TXNRD2: variants seen among roughly 807,000 people sequenced by gnomAD.
TXNRD2 encodes thioredoxin reductase 2.
TXNRD2 carries 67 observed loss-of-function variants against 70.8 expected under a neutral mutation model. The ratio of observed to expected loss-of-function variants is 0.95; its 90% CI spans 0.78 to 1.16. The LOEUF (loss-of-function observed/expected upper bound fraction) is 1.16, where lower values mean the gene tolerates loss of function less well. Among genes scored for constraint, TXNRD2 ranks in the 50% most tolerant of loss-of-function variants. The pLI, the probability that TXNRD2 is intolerant of heterozygous loss-of-function variation, is 0.00. For missense variants in TXNRD2, 644 were observed against 719.9 expected, an observed-to-expected ratio of 0.89 and a Z score of 1.21; for synonymous variants, 301 against 295.8, an observed-to-expected ratio of 1.02 and a Z score of -0.18.
At chr22:19,890,502 C>T (rs947869463) in intron 11 of TXNRD2, among the ~76,000 whole-genome samples, 4 of 152,154 alleles carry the variant, frequency 2.6e-5, no homozygotes, top group African/African-American at 9.7e-5. Flanking sequence ...AGCATAGCCA[C>T]AAACTTGGTT....
chr22:19,895,519 A>G lies in TXNRD2; in HGVS notation c.837T>C (p.Cys279=), dbSNP rs200417517. Residue 279 remains cysteine (C), a synonymous_variant, in exon 11 of 18, where the codon TGT becomes TGC. Coordinates refer to ENST00000400521, the MANE Select transcript of TXNRD2 (RefSeq NM_006440.5). ...GGAGCCTCCTGACCCGCGAGGGGGC[A>G]CAGCCCCTCAGGAACCGGGTGCCAT... ...ASHGTRFLRG[C]APSRVRRLPD... 1.7e-5 allele frequency: 28 copies of G among 1,613,810 alleles called. No individual in the cohort carries two copies. In the East Asian group the frequency reaches 6.2e-4, roughly 36 times the overall value.
intron 13 of TXNRD2, 24 bp downstream of exon 13, chr22:19,880,598 G>A (rs764737154): frequency 2.9e-5 from 47 of 1,607,446 alleles, no homozygotes; most frequent in Non-Finnish European, 3.6e-5. Context: ...TAGGCTGCAC[G>A]TGGCGTCCTG....
chr22:19,918,111 G>A, intron 5 of TXNRD2, 32 bp downstream of exon 5: 2 of 1,598,820 alleles, frequency 1.3e-6, no homozygotes, highest in South Asian at 1.1e-5. Context: ...AAGGCCCAGA[G>A]GGCGGCCCAT....
At chr22:19,880,131 G>A (rs761282213) in intron 14 of TXNRD2, 48 bp downstream of exon 14, 2 of 1,588,280 alleles carry the variant, frequency 1.3e-6, no homozygotes, top group Non-Finnish European at 1.7e-6. Context: ...CATGGGGTGA[G>A]GTCGTGGAGT....
intron 1 of TXNRD2, among the ~76,000 whole-genome samples, chr22:19,935,233 G>A (rs576411192): frequency 1.3e-5 from 2 of 152,242 alleles, no homozygotes; most frequent in South Asian, 4.2e-4. Context: ...ATTCCTGGGG[G>A]GAGGTCTGTA....
chr22:19,900,699 A>G (rs1210870504), intron 8 of TXNRD2, among the ~76,000 whole-genome samples: 1 of 152,008 alleles, frequency 6.6e-6, no homozygotes, highest in Non-Finnish European at 1.5e-5. Context: ...GCAGTGAGCC[A>G]AGATCGTGTC....
intron 5 of TXNRD2, chr22:19,916,083 C>A: frequency 2.0e-6 from 1 of 501,392 alleles, no homozygotes; most frequent in Non-Finnish European, 3.6e-6. Context: ...AAAGCAGGGA[C>A]GGAAGCCAGC....
At chr22:19,922,658 C>T (rs1041032870) in intron 2 of TXNRD2, among the ~76,000 whole-genome samples, 7 of 152,092 alleles carry the variant, frequency 4.6e-5, no homozygotes, top group African/African-American at 1.7e-4. Context: ...CTACTTTTCA[C>T]AGCTACAGAC....
At position 19,915,491 on chromosome 22, in the gene TXNRD2, C is replaced by T. The variant is rs74653129; in HGVS notation, c.529-215G>A. ...CAGGCAGAAAGCACAGGGAGATGTT[C>T]TAACTCCAAGCACTTCAAGGCACCC... On this transcript the variant is annotated intron_variant, in intron 6 of 17. Coordinates refer to ENST00000400521, the MANE Select transcript of TXNRD2 (RefSeq NM_006440.5). Among the ~76,000 whole-genome samples the T allele has an allele frequency of 4.9e-3, 739 of 152,316 alleles. 6 individuals are homozygous for T. The highest frequency in any genetic ancestry group is 0.017 in the African/African-American group (713 of 41,576).
intron 13 of TXNRD2, 87 bp from the exon 14 acceptor site, chr22:19,880,358 C>T: frequency 7.3e-7 from 1 of 1,377,138 alleles, no homozygotes; most frequent in Non-Finnish European, 1.0e-6. Flanking sequence ...GCAGCGATCA[C>T]AGACCAGGAC....
Position 19,881,253 on chromosome 22 carries a change from C to A in TXNRD2, c.1087-536G>T, listed in dbSNP as rs147779586. The A allele has an allele frequency of 4.1e-4, 163 of 396,806 alleles. 2 individuals are homozygous for A. The East Asian group carries it at 5.7e-3, about 14-fold the overall frequency. 24.6% of individuals were successfully genotyped at this position (396,806 alleles called of 1,614,324 possible). A position where few individuals can be genotyped will look rare whatever the true frequency, so the allele number is the denominator to read the frequency against. Reference sequence around the variant, plus strand: ...TGCCCAGCCTTGGGGGTTCCAGCACCGTCCTCTGGGATGGGCTGCCAATCA... The same window carrying A: ...TGCCCAGCCTTGGGGGTTCCAGCACAGTCCTCTGGGATGGGCTGCCAATCA... On this transcript the variant is annotated intron_variant, in intron 12 of 17. Transcript: ENST00000400521.
chr22:19,915,097 T>C (rs2146035251), intron 7 of TXNRD2, 117 bp downstream of exon 7: 1 of 921,236 alleles, frequency 1.1e-6, no homozygotes, highest in Non-Finnish European at 1.7e-6. Flanking sequence ...ATAGTGAGTA[T>C]AGGGGGAAAG....
At chr22:19,891,984 G>A (rs771612397) in intron 11 of TXNRD2, among the ~76,000 whole-genome samples, 13 of 152,232 alleles carry the variant, frequency 8.5e-5, no homozygotes, top group South Asian at 2.1e-4. Context: ...CACGGGCAAC[G>A]GGCAGGGCCA....
intron 12 of TXNRD2, 76 bp from the exon 13 acceptor site, chr22:19,880,793 C>T (rs1938740810): frequency 9.6e-7 from 1 of 1,043,786 alleles, no homozygotes. Flanking sequence ...TCACCCTTTG[C>T]CCTCCGAGTG....
At position 19,915,237 on chromosome 22, in the gene TXNRD2, C is replaced by T; in HGVS notation, c.568G>A (p.Gly190Arg). The change falls in exon 7 of 18, where the codon GGG (glycine) becomes AGG (arginine). Residue 190 changes from glycine to arginine, a missense_variant. Physicochemically the swap from Gly to Arg is moderately radical, Grantham distance 125. Coordinates refer to ENST00000400521, the MANE Select transcript of TXNRD2 (RefSeq NM_006440.5). ...ACGTGCGTGGGGTATCTCGGCCGCC[C>T]TCCAGTAGCAATGATGATGTGATCG... Reference protein sequence around the residue: ...SADHIIIATGGRPRYPTHIEG... With the variant: ...SADHIIIATGRRPRYPTHIEG... 6.2e-7 allele frequency: 1 copy of T among 1,613,894 alleles called. No individual in the cohort carries two copies.
At chr22:19,893,138 C>G (rs372486845) in intron 11 of TXNRD2, among the ~76,000 whole-genome samples, 4 of 152,318 alleles carry the variant, frequency 2.6e-5, no homozygotes, top group African/African-American at 9.6e-5. Context: ...TATGACACAG[C>G]TTGTGCCTCT....
intron 10 of TXNRD2, among the ~76,000 whole-genome samples, chr22:19,895,919 C>A (rs760384803): frequency 2.6e-5 from 4 of 152,208 alleles, no homozygotes; most frequent in Non-Finnish European, 4.4e-5. Context: ...ATCCCTCAAG[C>A]CCAGGAGTTT....
At chr22:19,878,720 T>C (rs1569069409) in intron 14 of TXNRD2, among the ~76,000 whole-genome samples, 1 of 152,168 alleles carries the variant, frequency 6.6e-6, no homozygotes, top group Non-Finnish European at 1.5e-5. Flanking sequence ...AGAGCAGGCA[T>C]CAGGCAATCC....
chr22:19,925,093 G>T (rs560263345), intron 2 of TXNRD2, among the ~76,000 whole-genome samples: 3 of 149,806 alleles, frequency 2.0e-5, no homozygotes, highest in Non-Finnish European at 4.4e-5. Context: ...GACCATCCTG[G>T]CTAACACGGC....
Sources: allele counts gnomAD v4.1 joint callset (sites outside exome capture counted in the v4.1 genomes callset), GRCh38; gene constraint gnomAD v4.1.1; transcripts MANE v1.5; gene names NCBI Gene and HGNC (gene_info 2026-07-23, HGNC 2026-07-21).